SENP1: variants seen among roughly 807,000 people sequenced by gnomAD.
The protein encoded by SENP1 is sentrin-specific protease 1.
In SENP1, 21 loss-of-function variants were observed where a neutral mutation model predicts 93.0. The observed-to-expected ratio is 0.23, with a 90% CI of 0.16 to 0.33. SENP1 has a LOEUF of 0.33. Ranked by LOEUF, SENP1 falls within the 10% of genes least tolerant of loss-of-function variation. The pLI is 1.00. For synonymous variants in SENP1, 256 were observed against 259.6 expected (o/e 0.99, Z 0.13); for missense variants, 591 against 758.7 (o/e 0.78, Z 2.60).
rs5798059 is a variant in SENP1 at position 48,084,447 on chromosome 12, G to GTTTTT, written c.381-690_381-686dup. ...TATATCTAAGGCTTACTAATTTTGA[G>GTTTTT]TTTTTTTTTTTTTTTTTTTTGAGAT... On this transcript the variant is annotated intron_variant, in intron 5 of 17. Transcript: ENST00000549518. Among the ~76,000 whole-genome samples the GTTTTT allele has an allele frequency of 7.8e-3, 848 of 109,376 alleles. 15 individuals carry two copies. The highest frequency in any genetic ancestry group is 0.012 in the Middle Eastern group (2 of 166). 71.8% of individuals were successfully genotyped at this position (109,376 alleles called of 152,430 possible). A position where few individuals can be genotyped will look rare whatever the true frequency, so the allele number is the denominator to read the frequency against.
At chr12:48,053,704 T>C (rs966511055) in intron 13 of SENP1, among the ~76,000 whole-genome samples, 4 of 152,162 alleles carry the variant, frequency 2.6e-5, no homozygotes, top group African/African-American at 9.7e-5. Context: ...GCTTACCAAG[T>C]AGGTAATTAG....
intron 13 of SENP1, among the ~76,000 whole-genome samples, chr12:48,057,752 G>C (rs1175219355): frequency 1.3e-5 from 2 of 149,808 alleles, no homozygotes; most frequent in East Asian, 1.9e-4. Context: ...AGGCACACAC[G>C]ATGACGGGCT....
chr12:48,051,680 TGA>T (rs1941825034), intron 13 of SENP1, among the ~76,000 whole-genome samples: 2 of 152,122 alleles, frequency 1.3e-5, no homozygotes, highest in Admixed American at 6.6e-5. Context: ...GAAAAAGAAA[TGA>T]GAGAAGGGAT....
chr12:48,064,097 C>T (rs771404737), intron 12 of SENP1, among the ~76,000 whole-genome samples: 1 of 152,050 alleles, frequency 6.6e-6, no homozygotes, highest in Non-Finnish European at 1.5e-5. Flanking sequence ...ATATTAATTC[C>T]TAAAGTCTGG....
chr12:48,087,772 A>G (rs1944979545), intron 5 of SENP1, among the ~76,000 whole-genome samples: 1 of 152,224 alleles, frequency 6.6e-6, no homozygotes, highest in African/African-American at 2.4e-5. Flanking sequence ...ATAAAATAAT[A>G]AAAGCCATCT....
At chr12:48,064,723 C>T (rs1385078997) in intron 12 of SENP1, among the ~76,000 whole-genome samples, 1 of 152,106 alleles carries the variant, frequency 6.6e-6, no homozygotes, top group Non-Finnish European at 1.5e-5. Context: ...GTCACCCAGG[C>T]TGAAGTACGG....
At chr12:48,050,512 G>T (rs1226972724) in intron 13 of SENP1, among the ~76,000 whole-genome samples, 1 of 152,218 alleles carries the variant, frequency 6.6e-6, no homozygotes, top group East Asian at 1.9e-4. Context: ...TGAGCAACAG[G>T]CCCAGTCAGC....
At chr12:48,054,204 C>G (rs1424998878) in intron 13 of SENP1, among the ~76,000 whole-genome samples, 3 of 152,138 alleles carry the variant, frequency 2.0e-5, no homozygotes, top group African/African-American at 7.2e-5. Context: ...ATCCATTACT[C>G]AGAGGCAGTG....
intron 10 of SENP1, among the ~76,000 whole-genome samples, chr12:48,066,120 C>T (rs994412467): frequency 1.3e-5 from 2 of 151,996 alleles, no homozygotes; most frequent in African/African-American, 4.8e-5. Context: ...ATAGTGAAAG[C>T]GAAACTTCAG....
chr12:48,088,708 T>C, intron 5 of SENP1, 93 bp downstream of exon 5: 3 of 1,239,832 alleles, frequency 2.4e-6, no homozygotes, highest in Non-Finnish European at 3.4e-6. Flanking sequence ...GGTGTTACTC[T>C]TTTAAAATCC....
At chr12:48,095,401 T>C (rs892669706) in intron 4 of SENP1, among the ~76,000 whole-genome samples, 1 of 151,660 alleles carries the variant, frequency 6.6e-6, no homozygotes, top group Non-Finnish European at 1.5e-5. Flanking sequence ...CCGGGCGTGG[T>C]GGTGGGTGTC....
chr12:48,104,468 T>C (rs959319975), intron 1 of SENP1, among the ~76,000 whole-genome samples: 1 of 152,340 alleles, frequency 6.6e-6, no homozygotes, highest in Middle Eastern at 3.4e-3. Context: ...TCTTTCCTTC[T>C]ATTTTTACAT....
In SENP1 at chr12:48,044,051, G is replaced by A. The variant is rs1941179239; in HGVS notation, c.*1271C>T. ...ATCTAAGCCTGAGGAGCTCTCAGAGGGTGGGGAGAGATGCTAGAAAGAACA... is the reference window on the plus strand; with the variant it reads ...ATCTAAGCCTGAGGAGCTCTCAGAGAGTGGGGAGAGATGCTAGAAAGAACA... On this transcript the variant is annotated 3_prime_UTR_variant, in exon 18 of 18. Transcript: ENST00000549518. 1 of 152,174 alleles carries A rather than the reference G, an allele frequency of 6.6e-6. No homozygotes were observed. Among genetic ancestry groups the A allele is most frequent in the East Asian group, 1.9e-4 (1 of 5,184 alleles). 9.4% of individuals were successfully genotyped at this position (152,174 alleles called of 1,614,324 possible).
intron 6 of SENP1, 96 bp from the exon 7 acceptor site, chr12:48,074,889 G>C (rs1943957515): frequency 1.3e-6 from 1 of 785,740 alleles, no homozygotes; most frequent in Non-Finnish European, 2.1e-6. Context: ...CTCTGCCAAA[G>C]CTCAGGCAGA....
chr12:48,103,043 AG>A (rs1341645005), intron 1 of SENP1, among the ~76,000 whole-genome samples: 1 of 152,136 alleles, frequency 6.6e-6, no homozygotes, highest in Non-Finnish European at 1.5e-5. Context: ...TTCCAGATTA[AG>A]GGGGAAAAAA....
At chr12:48,047,106 G>T in intron 15 of SENP1, 44 bp from the exon 16 acceptor site, 1 of 1,206,318 alleles carries the variant, frequency 8.3e-7, no homozygotes, top group Non-Finnish European at 1.2e-6. Flanking sequence ...GGGGAACATC[G>T]ATGACAGCTG....
At chr12:48,105,727 G>C in intron 1 of SENP1, 1 of 514,546 alleles carries the variant, frequency 1.9e-6, no homozygotes, top group Middle Eastern at 5.3e-4. Context: ...AGTACGGCTG[G>C]GCGCTGGGAT....
chr12:48,071,737 A>G lies in SENP1; in HGVS notation c.941-16T>C. 6.4e-7 allele frequency: 1 copy of G among 1,571,986 alleles called. No individual in the cohort carries two copies. The highest frequency in any genetic ancestry group is 8.7e-7 in the Non-Finnish European group (1 of 1,144,412). ...GAGTCTGATCCTAAAGAAACACAAG[A>G]GCATTTCATTAGTAATAAAACTCCA... On this transcript the variant is annotated splice_polypyrimidine_tract_variant and intron_variant, in intron 8 of 17. Transcript: ENST00000549518.
intron 6 of SENP1, among the ~76,000 whole-genome samples, chr12:48,076,055 C>CA (rs1221334541): frequency 6.6e-6 from 1 of 152,222 alleles, no homozygotes; most frequent in African/African-American, 2.4e-5. Context: ...AACCAGATTA[C>CA]ATAAGGACTT....
Sources: gnomAD v4.1 joint callset for allele counts (sites outside exome capture counted in the v4.1 genomes callset) on GRCh38, gnomAD v4.1.1 for gene constraint, MANE v1.5 for transcripts, NCBI Gene and HGNC (gene_info 2026-07-23, HGNC 2026-07-21) for gene names.